Variants in RPTOR observed in about 807,000 individuals in gnomAD.
The protein encoded by RPTOR is regulatory associated protein of MTOR complex 1, also known as regulatory-associated protein of mTOR.
In RPTOR, 21 loss-of-function variants were observed where a neutral mutation model predicts 169.9. The observed-to-expected ratio is 0.12, with a 90% CI of 0.09 to 0.18. RPTOR has a LOEUF of 0.18. Among genes scored for constraint, RPTOR ranks in the 10% least tolerant of loss-of-function variants. RPTOR has a pLI of 1.00. For missense variants in RPTOR, 1,133 were observed against 1,855.9 expected (o/e 0.61, Z 7.16); for synonymous variants, 732 against 753.2 (o/e 0.97, Z 0.46).
At chr17:80,886,955 G>A (rs563249065) in intron 17 of RPTOR, among the ~76,000 whole-genome samples, 6 of 152,324 alleles carry the variant, frequency 3.9e-5, no homozygotes, top group Admixed American at 3.9e-4. Context: ...CTGGAGTGCT[G>A]TGGAGCTCCT....
chr17:80,660,603 A>T lies in RPTOR; in HGVS notation c.348+16793A>T, dbSNP rs1170936248. Among the ~76,000 whole-genome samples, 4 of 152,234 alleles carry T rather than the reference A, an allele frequency of 2.6e-5. No homozygotes were observed. The East Asian group carries it at 7.7e-4, about 29-fold the overall frequency. ...CCCAGAGCCCCATTCACCACCCATG[A>T]TCACTCCCTGCCCCGTTTCCCATTT... On this transcript the variant is annotated intron_variant, in intron 3 of 33. Coordinates refer to ENST00000306801, the MANE Select transcript of RPTOR (RefSeq NM_020761.3).
At chr17:80,583,801 G>A (rs2065037498) in intron 1 of RPTOR, among the ~76,000 whole-genome samples, 2 of 152,248 alleles carry the variant, frequency 1.3e-5, no homozygotes, top group South Asian at 4.1e-4. Flanking sequence ...AGGTGCAGCT[G>A]CCTCCAGCCC....
intron 6 of RPTOR, chr17:80,774,143 T>C (rs540235116): frequency 2.1e-4 from 203 of 985,420 alleles, no homozygotes; most frequent in Non-Finnish European, 2.3e-4. Context: ...TCGAGGGCGC[T>C]GTGACATCCT....
At chr17:80,652,917 C>A (rs1193374636) in intron 3 of RPTOR, among the ~76,000 whole-genome samples, 1 of 152,184 alleles carries the variant, frequency 6.6e-6, no homozygotes, top group Non-Finnish European at 1.5e-5. Context: ...TGTATTCTTA[C>A]ATTGTTATTA....
At chr17:80,907,913 G>A (rs768363718) in intron 20 of RPTOR, among the ~76,000 whole-genome samples, 4 of 152,160 alleles carry the variant, frequency 2.6e-5, no homozygotes, top group Non-Finnish European at 4.4e-5. Context: ...GACAGAAGGA[G>A]TCACTCTCGC....
chr17:80,556,576 A>T (rs950282098), intron 1 of RPTOR, among the ~76,000 whole-genome samples: 1 of 152,128 alleles, frequency 6.6e-6, no homozygotes, highest in Non-Finnish European at 1.5e-5. Flanking sequence ...GTAGGAATGG[A>T]CGATAGAGCA....
chr17:80,580,499 C>G (rs906308409), intron 1 of RPTOR, among the ~76,000 whole-genome samples: 21 of 152,116 alleles, frequency 1.4e-4, no homozygotes, highest in South Asian at 1.0e-3. Context: ...TTTAATTATA[C>G]TTTTCGATTA....
intron 20 of RPTOR, among the ~76,000 whole-genome samples, chr17:80,898,693 C>A (rs1376307882): frequency 6.5e-5 from 8 of 123,056 alleles, no homozygotes. Flanking sequence ...GCCGCCCCGA[C>A]TCCCCCCGCC....
At chr17:80,587,763 C>T (rs537259926) in intron 1 of RPTOR, among the ~76,000 whole-genome samples, 1 of 150,442 alleles carries the variant, frequency 6.6e-6, no homozygotes, top group Admixed American at 6.7e-5. Flanking sequence ...ACCATCACCA[C>T]ACATATGTAT....
chr17:80,560,685 C>G (rs868205232), intron 1 of RPTOR, among the ~76,000 whole-genome samples: 19 of 152,128 alleles, frequency 1.2e-4, no homozygotes, highest in Middle Eastern at 3.2e-3. Context: ...AAGGGGCCTT[C>G]CCTTGTGCTG....
intron 1 of RPTOR, among the ~76,000 whole-genome samples, chr17:80,570,785 TA>T (rs577117590): frequency 1.3e-5 from 2 of 152,210 alleles, no homozygotes; most frequent in Non-Finnish European, 2.9e-5. Flanking sequence ...TTACAGTGAA[TA>T]AGTTGTTATG....
intron 7 of RPTOR, among the ~76,000 whole-genome samples, chr17:80,818,892 A>G (rs1421369212): frequency 6.6e-6 from 1 of 152,220 alleles, no homozygotes; most frequent in East Asian, 1.9e-4. Flanking sequence ...ATCCAGTGAC[A>G]GTGCTGGGGT....
At chr17:80,742,466 T>A (rs2066490928) in intron 5 of RPTOR, among the ~76,000 whole-genome samples, 1 of 151,682 alleles carries the variant, frequency 6.6e-6, no homozygotes, top group Non-Finnish European at 1.5e-5. Context: ...CACACACACG[T>A]ATATAAGCAC....
chr17:80,675,717 C>T (rs1004286946), intron 3 of RPTOR, among the ~76,000 whole-genome samples: 3 of 152,180 alleles, frequency 2.0e-5, no homozygotes, highest in South Asian at 2.1e-4. Flanking sequence ...CTCTGCTCAC[C>T]GGGCTGGCCC....
intron 2 of RPTOR, among the ~76,000 whole-genome samples, chr17:80,636,671 A>G (rs2065509242): frequency 6.6e-6 from 1 of 152,128 alleles, no homozygotes; most frequent in South Asian, 2.1e-4. Context: ...GGACATATTC[A>G]GAACATAGCA....
At chr17:80,931,041 T>C (rs2068891184) in intron 24 of RPTOR, among the ~76,000 whole-genome samples, 1 of 152,216 alleles carries the variant, frequency 6.6e-6, no homozygotes. Flanking sequence ...CGTGCATTCT[T>C]AGAGAGTTTC....
In RPTOR at chr17:80,755,958, G is replaced by C. The variant is rs74716758; in HGVS notation, c.830+1773G>C. Among the ~76,000 whole-genome samples, 584 of 152,294 alleles carry C rather than the reference G, an allele frequency of 3.8e-3. 6 individuals are homozygous for C. The highest frequency in any genetic ancestry group is 0.014 in the African/African-American group (566 of 41,558). ...CTGAGTAGCACAGCCACTACGCAGA[G>C]AGAAAGCTGAACCAGGGTTATTGTA... On this transcript the variant is annotated intron_variant, in intron 6 of 33. Coordinates refer to ENST00000306801, the MANE Select transcript of RPTOR (RefSeq NM_020761.3).
At chr17:80,759,322 GC>G (rs1291493836) in intron 6 of RPTOR, among the ~76,000 whole-genome samples, 1 of 152,174 alleles carries the variant, frequency 6.6e-6, no homozygotes, top group African/African-American at 2.4e-5. Flanking sequence ...CATCCCAGTA[GC>G]CCCTGAAATC....
In RPTOR at chr17:80,935,374, A is replaced by G. The variant is rs572195052; in HGVS notation, c.2920-5122A>G. On this transcript the variant is annotated intron_variant, in intron 24 of 33. Transcript: ENST00000306801. ...GAAGTTTATTCTAAAATTTATGGGG[A>G]AAAGGAAACTAAAATAACCAGAACA... 7.2e-5 allele frequency among the ~76,000 whole-genome samples: 11 copies of G among 152,268 alleles called. No homozygotes were observed. The East Asian group carries it at 2.1e-3, about 29-fold the overall frequency.
Sources: gnomAD v4.1 joint callset for allele counts (sites outside exome capture counted in the v4.1 genomes callset) on GRCh38, gnomAD v4.1.1 for gene constraint, MANE v1.5 for transcripts, NCBI Gene and HGNC (gene_info 2026-07-23, HGNC 2026-07-21) for gene names.